The following PLAA variants were observed in gnomAD, a reference collection of about 807,000 sequenced individuals.
The protein encoded by PLAA is phospholipase A-2-activating protein.
Under a neutral mutation model 84.1 loss-of-function variants are expected in PLAA, and 48 were observed. The ratio of observed to expected loss-of-function variants is 0.57; its 90% CI spans 0.45 to 0.73. The LOEUF is 0.73. Ranked by LOEUF, PLAA falls within the 30% of genes least tolerant of loss-of-function variation. The pLI is 0.00. For missense variants in PLAA, 903 were observed against 954.7 expected (o/e 0.95, Z 0.71); for synonymous variants, 392 against 336.6 (o/e 1.16, Z -1.80).
Position 26,947,090 on chromosome 9 carries a change from C to T in PLAA, c.-45G>A, listed in dbSNP as rs563374795. The T allele has an allele frequency of 1.4e-5, 20 of 1,477,154 alleles. 1 individual carries two copies. The South Asian group carries it at 2.7e-4, about 20-fold the overall frequency. The allele number at this position is 1,477,154 out of a possible 1,614,324, so 91.5% of individuals were successfully genotyped here. The stretch of plus-strand genomic sequence containing the variant: ...CCCGGTGCCCAGGCACTGTGCGAGA[C>T]CAGTCCGCAGGGGCGACTCGGAGAG... On this transcript the variant is annotated 5_prime_UTR_variant, in exon 1 of 14. Coordinates refer to ENST00000397292, the MANE Select transcript of PLAA (RefSeq NM_001031689.3).
chr9:26,917,445 T>C (rs1294384235), intron 9 of PLAA, among the ~76,000 whole-genome samples: 1 of 152,228 alleles, frequency 6.6e-6, no homozygotes, highest in Admixed American at 6.5e-5. Flanking sequence ...AAAAGAGAAT[T>C]GCAGGTAATA....
At chr9:26,916,455 T>A (rs1489405726) in intron 10 of PLAA, 1 of 986,892 alleles carries the variant, frequency 1.0e-6, no homozygotes, top group Non-Finnish European at 1.2e-6. Context: ...TAAATTCATT[T>A]TGAAGAGATA....
In PLAA at chr9:26,903,776, C is replaced by G. The variant is rs1256950527; in HGVS notation, c.*1735G>C. On this transcript the variant is annotated 3_prime_UTR_variant, in exon 14 of 14. Transcript: ENST00000397292. ...AAATAGTAAAGTTGACATAAAAAAA[C>G]TTGCACAGTAATAGGAAGCAGTGTT... Among the ~76,000 whole-genome samples the G allele has an allele frequency of 6.6e-6, 1 of 152,162 alleles. No homozygotes were observed. The highest frequency in any genetic ancestry group is 2.4e-5 in the African/African-American group (1 of 41,454).
intron 13 of PLAA, 37 bp downstream of exon 13, chr9:26,907,797 T>A (rs375634706): frequency 3.2e-6 from 5 of 1,544,398 alleles, no homozygotes; most frequent in Non-Finnish European, 4.4e-6. Flanking sequence ...TAAAACTTCT[T>A]GCTTTCTGGT....
At chr9:26,941,164 A>AAG (rs1825521737) in intron 1 of PLAA, among the ~76,000 whole-genome samples, 2 of 141,812 alleles carry the variant, frequency 1.4e-5, no homozygotes, top group African/African-American at 2.8e-5. Flanking sequence ...GACAAAAAAA[A>AAG]AAACAAAAAC....
At position 26,946,881 on chromosome 9, in the gene PLAA, G is replaced by A; in HGVS notation, c.149+16C>T. The A allele has an allele frequency of 6.4e-7, 1 of 1,565,516 alleles. No individual in the cohort carries two copies. Among genetic ancestry groups the A allele is most frequent in the Non-Finnish European group, 8.6e-7 (1 of 1,156,188 alleles). On this transcript the variant is annotated intron_variant, in intron 1 of 13. Coordinates refer to ENST00000397292, the MANE Select transcript of PLAA (RefSeq NM_001031689.3). ...GCGTGCAACACAGCCGGGGCAACCC[G>A]ACTCCCAGCGCTCACCTGTCTGGGG...
chr9:26,932,022 G>C (rs1478837650), intron 2 of PLAA, among the ~76,000 whole-genome samples: 1 of 152,214 alleles, frequency 6.6e-6, no homozygotes, highest in African/African-American at 2.4e-5. Context: ...AGGAGGCAGA[G>C]GTTACAGTGA....
chr9:26,924,655 C>A (rs1445786641), intron 6 of PLAA, among the ~76,000 whole-genome samples: 1 of 152,170 alleles, frequency 6.6e-6, no homozygotes, highest in Non-Finnish European at 1.5e-5. Flanking sequence ...ACACTGATGA[C>A]AATCTCCCTC....
chr9:26,940,076 C>T (rs1218424861), intron 1 of PLAA, among the ~76,000 whole-genome samples: 1 of 152,038 alleles, frequency 6.6e-6, no homozygotes, highest in Non-Finnish European at 1.5e-5. Flanking sequence ...GCAAAGACAC[C>T]TGCTACAGAA....
intron 1 of PLAA, among the ~76,000 whole-genome samples, chr9:26,937,749 T>A (rs1172238256): frequency 6.6e-6 from 1 of 151,816 alleles, no homozygotes; most frequent in Admixed American, 6.6e-5. Context: ...AAAGGTATGA[T>A]AACTGAAATG....
rs184853329 is a variant in PLAA at position 26,934,428 on chromosome 9, T to C, written c.343+585A>G. Reference sequence around the variant, plus strand: ...ATGAAATAGTTAAAAACCAGACTCATGAAGTATATTCAAATTATATAGCCT... The same window carrying C: ...ATGAAATAGTTAAAAACCAGACTCACGAAGTATATTCAAATTATATAGCCT... On this transcript the variant is annotated intron_variant, in intron 2 of 13. Transcript: ENST00000397292. Among the ~76,000 whole-genome samples the C allele has an allele frequency of 1.3e-4, 19 of 151,838 alleles. No individual in the cohort carries two copies. The East Asian group carries it at 3.5e-3, about 28-fold the overall frequency.
chr9:26,905,420 TTC>T lies in PLAA; in HGVS notation c.*89_*90del. ...GTAAAATTTTACTTAATCCACCGTA[TTC>T]TCTTTTTTTAATTATCTGTTATCAG... On this transcript the variant is annotated 3_prime_UTR_variant, in exon 14 of 14. Transcript: ENST00000397292. 4.0e-6 allele frequency: 4 copies of T among 999,084 alleles called. No homozygotes were observed. Among genetic ancestry groups the T allele is most frequent in the Non-Finnish European group, 5.9e-6 (4 of 673,924 alleles). The allele number at this position is 999,084 out of a possible 1,614,324, so 61.9% of individuals were successfully genotyped here.
Position 26,947,099 on chromosome 9 carries a change from A to G in PLAA, c.-54T>C, listed in dbSNP as rs1825757696. 2 of 1,435,640 alleles carry G rather than the reference A, an allele frequency of 1.4e-6. No homozygotes were observed. The highest frequency in any genetic ancestry group is 2.9e-5 in the African/African-American group (2 of 68,002). 88.9% of individuals were successfully genotyped at this position (1,435,640 alleles called of 1,614,324 possible). A position where few individuals can be genotyped will look rare whatever the true frequency, so the allele number is the denominator to read the frequency against. On this transcript the variant is annotated 5_prime_UTR_variant, in exon 1 of 14. Transcript: ENST00000397292. Reference sequence around the variant, plus strand: ...CAGGCACTGTGCGAGACCAGTCCGCAGGGGCGACTCGGAGAGCGCCGGGCC... The same window carrying G: ...CAGGCACTGTGCGAGACCAGTCCGCGGGGGCGACTCGGAGAGCGCCGGGCC...
chr9:26,924,634 A>C (rs1297395905), intron 6 of PLAA, among the ~76,000 whole-genome samples: 1 of 152,164 alleles, frequency 6.6e-6, no homozygotes, highest in African/African-American at 2.4e-5. Flanking sequence ...TTGACTCCTC[A>C]AACACTTTTG....
Position 26,905,228 on chromosome 9 carries a change from CTAAGG to C in PLAA, c.*278_*282del, listed in dbSNP as rs960230025. The C allele has an allele frequency of 1.1e-4, 38 of 342,098 alleles. No homozygotes were observed. Among genetic ancestry groups the C allele is most frequent in the South Asian group, 5.0e-4 (11 of 22,090 alleles). 21.2% of individuals were successfully genotyped at this position (342,098 alleles called of 1,614,324 possible). ...GTAACAGCCCTTGTCTTCTTAGTGGCTAAGGTAAGGGGAAGATGTCATTGTCATTG... is the reference window on the plus strand; with the variant it reads ...GTAACAGCCCTTGTCTTCTTAGTGGCTAAGGGGAAGATGTCATTGTCATTG... On this transcript the variant is annotated 3_prime_UTR_variant, in exon 14 of 14. Transcript: ENST00000397292.
At chr9:26,925,049 T>C (rs572915256) in intron 6 of PLAA, among the ~76,000 whole-genome samples, 2 of 152,358 alleles carry the variant, frequency 1.3e-5, no homozygotes, top group Admixed American at 1.3e-4. Context: ...TTTGAAGCTT[T>C]ATCCTTTTCT....
At chr9:26,919,945 T>C (rs2131380566) in intron 8 of PLAA, among the ~76,000 whole-genome samples, 1 of 152,286 alleles carries the variant, frequency 6.6e-6, no homozygotes, top group Admixed American at 6.5e-5. Context: ...TGATGAAAGG[T>C]GGCACAGAAG....
chr9:26,939,012 C>T (rs977191245), intron 1 of PLAA, among the ~76,000 whole-genome samples: 1 of 152,128 alleles, frequency 6.6e-6, no homozygotes, highest in Non-Finnish European at 1.5e-5. Context: ...AGGATTACAA[C>T]TTTAGGATAT....
chr9:26,918,309 T>TTTTTA (rs35582293), intron 9 of PLAA, among the ~76,000 whole-genome samples: 4 of 149,666 alleles, frequency 2.7e-5, no homozygotes, highest in African/African-American at 9.8e-5. Flanking sequence ...TTTTTTTTTT[T>TTTTTA]AGTAGAGACA....
Sources: allele counts gnomAD v4.1 joint callset (sites outside exome capture counted in the v4.1 genomes callset), GRCh38; gene constraint gnomAD v4.1.1; transcripts MANE v1.5; gene names NCBI Gene and HGNC (gene_info 2026-07-23, HGNC 2026-07-21).